Variants in EPDR1 observed in about 807,000 individuals in gnomAD.
EPDR1 encodes the protein ependymin related 1, also known as mammalian ependymin-related protein 1.
A neutral mutation model predicts 23.7 loss-of-function variants in EPDR1; 27 were observed. That is an observed-to-expected ratio of 1.14 (90% CI 0.84 to 1.57). The LOEUF (loss-of-function observed/expected upper bound fraction) is 1.57, where lower values mean the gene tolerates loss of function less well. Among genes scored for constraint, EPDR1 ranks in the 40% most tolerant of loss-of-function variants. EPDR1 has a pLI of 0.00. For missense variants in EPDR1, 349 were observed against 290.4 expected (o/e 1.20, Z -1.47); for synonymous variants, 137 against 118.2 (o/e 1.16, Z -1.03).
chr7:37,935,878 T>C (rs1237134558), intron 1 of EPDR1, among the ~76,000 whole-genome samples: 1 of 150,534 alleles, frequency 6.6e-6, no homozygotes, highest in Non-Finnish European at 1.5e-5. Context: ...TTTGCTGGGA[T>C]ATAAACACAG....
At chr7:37,940,098 G>A (rs2598101) in intron 1 of EPDR1, among the ~76,000 whole-genome samples, 115,435 of 152,090 alleles carry the variant, frequency 0.76, 44,041 homozygotes, top group African/African-American at 0.83. Context: ...ACATGGCCAT[G>A]AAAAAATAGG....
intron 1 of EPDR1, 49 bp downstream of exon 1, chr7:37,921,257 G>A (rs777040461): frequency 8.5e-6 from 13 of 1,533,920 alleles, no homozygotes; most frequent in Non-Finnish European, 1.0e-5. Flanking sequence ...GCGCGGGCAT[G>A]GGGAGGGCGA....
chr7:37,949,427 A>G (rs1786350774), intron 2 of EPDR1, among the ~76,000 whole-genome samples: 1 of 152,134 alleles, frequency 6.6e-6, no homozygotes, highest in South Asian at 2.1e-4. Context: ...ATCTACTCCC[A>G]TCATGCTGAG....
intron 1 of EPDR1, among the ~76,000 whole-genome samples, chr7:37,927,984 A>G (rs1785852088): frequency 6.6e-6 from 1 of 152,166 alleles, no homozygotes; most frequent in Non-Finnish European, 1.5e-5. Flanking sequence ...GAAGCACACA[A>G]AGTTTGATTT....
intron 1 of EPDR1, among the ~76,000 whole-genome samples, chr7:37,943,685 T>C (rs922928952): frequency 6.6e-6 from 1 of 152,246 alleles, no homozygotes; most frequent in African/African-American, 2.4e-5. Flanking sequence ...CAATATCAGA[T>C]GATGTCTACT....
chr7:37,927,900 G>A (rs1314474328), intron 1 of EPDR1, among the ~76,000 whole-genome samples: 1 of 152,150 alleles, frequency 6.6e-6, no homozygotes, highest in Non-Finnish European at 1.5e-5. Flanking sequence ...GATCCTCAAA[G>A]AATAAACCAT....
chr7:37,925,505 G>A (rs964805067), intron 1 of EPDR1, among the ~76,000 whole-genome samples: 7 of 152,202 alleles, frequency 4.6e-5, no homozygotes, highest in African/African-American at 1.4e-4. Context: ...ATTCATGTCT[G>A]CTTCTCTTGA....
chr7:37,926,186 T>C (rs1166653579), intron 1 of EPDR1, among the ~76,000 whole-genome samples: 7 of 152,198 alleles, frequency 4.6e-5, no homozygotes, highest in Non-Finnish European at 1.0e-4. Context: ...ATGAGGATTA[T>C]TTTTCAAATA....
Position 37,921,055 on chromosome 7 carries a change from C to T in EPDR1, c.116C>T (p.Pro39Leu), listed in dbSNP as rs957946942. ...GLCSLGAVGA[P>L]RPCQAPQQWE... ...TGCAGCCTGGGGGCGGTGGGAGCCC[C>T]GCGCCCGTGCCAGGCGCCGCAGCAG... The change falls in exon 1 of 3, where the codon CCG becomes CTG. Residue 39 changes from proline to leucine, a missense_variant. By Grantham distance (98) the Pro-to-Leu change is moderately conservative. Transcript: ENST00000199448. 1 of 1,543,992 alleles carries T rather than the reference C, an allele frequency of 6.5e-7. No individual in the cohort carries two copies. The highest frequency in any genetic ancestry group is 1.9e-5 in the Admixed American group (1 of 52,974).
At chr7:37,927,288 T>C (rs1343747131) in intron 1 of EPDR1, among the ~76,000 whole-genome samples, 2 of 152,214 alleles carry the variant, frequency 1.3e-5, no homozygotes, top group Non-Finnish European at 2.9e-5. Flanking sequence ...TTTACATCTA[T>C]ATTTATTTCT....
chr7:37,933,501 C>A (rs1303555542), intron 1 of EPDR1, among the ~76,000 whole-genome samples: 1 of 152,186 alleles, frequency 6.6e-6, no homozygotes, highest in East Asian at 1.9e-4. Context: ...CATATTTTCT[C>A]ATCTGTTAAA....
chr7:37,933,033 A>T (rs1406922146), intron 1 of EPDR1, among the ~76,000 whole-genome samples: 1 of 152,216 alleles, frequency 6.6e-6, no homozygotes, highest in Non-Finnish European at 1.5e-5. Context: ...TAAGTAATTT[A>T]ATTTTCCTTT....
At chr7:37,949,456 T>C (rs1444840220) in intron 2 of EPDR1, among the ~76,000 whole-genome samples, 1 of 152,174 alleles carries the variant, frequency 6.6e-6, no homozygotes, top group Non-Finnish European at 1.5e-5. Context: ...CCAGCCTACT[T>C]TTATGTGAAG....
chr7:37,940,037 A>G (rs1293082559), intron 1 of EPDR1, among the ~76,000 whole-genome samples: 1 of 152,224 alleles, frequency 6.6e-6, no homozygotes, highest in Non-Finnish European at 1.5e-5. Context: ...CTCAATGTTT[A>G]TTGGTAGAAG....
In EPDR1 at chr7:37,921,096, G is replaced by A. The variant is rs913532789; in HGVS notation, c.157G>A (p.Val53Ile). The A allele has an allele frequency of 6.3e-7, 1 of 1,590,490 alleles. No homozygotes were observed. The highest frequency in any genetic ancestry group is 8.5e-7 in the Non-Finnish European group (1 of 1,175,580). Residue 53 changes from valine (V) to isoleucine (I), a missense_variant, in exon 1 of 3, where the codon GTT becomes ATT. Val to Ile is a conservative substitution (Grantham distance 29). Transcript: ENST00000199448. ...QAPQQWEGRQ[V>I]MYQQSSGRNS... ...GCCGCAGCAGTGGGAGGGGCGCCAG[G>A]TTATGTACCAGCAAAGTAGCGGGCG...
chr7:37,927,674 T>C (rs138181217), intron 1 of EPDR1, among the ~76,000 whole-genome samples: 12 of 152,350 alleles, frequency 7.9e-5, no homozygotes, highest in African/African-American at 2.9e-4. Flanking sequence ...TCTGTGTGAC[T>C]GGGGGAGGCA....
chr7:37,930,532 T>C (rs1355919941), intron 1 of EPDR1, among the ~76,000 whole-genome samples: 2 of 152,194 alleles, frequency 1.3e-5, no homozygotes, highest in Admixed American at 1.3e-4. Context: ...TGGGAGTTCT[T>C]CTTCTCACAG....
chr7:37,922,481 G>T (rs1785726076), intron 1 of EPDR1, among the ~76,000 whole-genome samples: 1 of 152,112 alleles, frequency 6.6e-6, no homozygotes, highest in African/African-American at 2.4e-5. Flanking sequence ...ACAACTAACA[G>T]TTGCATACTT....
Position 37,921,174 on chromosome 7 carries a change from C to A in EPDR1, c.235C>A (p.Leu79Met). The part of the protein sequence containing the change: ...YDGLNQRVRV[L>M]DERKALIPCK... Reference sequence around the variant, plus strand: ...CGGGCTCAACCAGCGCGTGCGGGTGCTGGACGAGAGGAAGGCGCTGATCCC... The same window carrying A: ...CGGGCTCAACCAGCGCGTGCGGGTGATGGACGAGAGGAAGGCGCTGATCCC... The change falls in exon 1 of 3, where the codon CTG (leucine) becomes ATG (methionine). Residue 79 changes from leucine (L) to methionine (M), a missense_variant. Leu to Met is a conservative substitution (Grantham distance 15). Coordinates refer to ENST00000199448, the MANE Select transcript of EPDR1 (RefSeq NM_017549.5). The A allele has an allele frequency of 6.3e-7, 1 of 1,593,172 alleles. No homozygotes were observed. The highest frequency in any genetic ancestry group is 8.5e-7 in the Non-Finnish European group (1 of 1,177,756).
Sources: gnomAD v4.1 joint callset for allele counts (sites outside exome capture counted in the v4.1 genomes callset) on GRCh38, gnomAD v4.1.1 for gene constraint, MANE v1.5 for transcripts, NCBI Gene and HGNC (gene_info 2026-07-23, HGNC 2026-07-21) for gene names.